Variants in PCDH15 observed in about 807,000 individuals in gnomAD.
PCDH15 encodes the protein protocadherin-15.
PCDH15 carries 129 observed loss-of-function variants against 178.5 expected under a neutral mutation model. The ratio of observed to expected loss-of-function variants is 0.72; its 90% CI spans 0.63 to 0.84. The LOEUF (loss-of-function observed/expected upper bound fraction) is 0.84. Among genes scored for constraint, PCDH15 ranks in the 40% least tolerant of loss-of-function variants. The pLI is 0.00. For synonymous variants in PCDH15, 800 were observed against 732.0 expected, an observed-to-expected ratio of 1.09 and a Z score of -1.50; for missense variants, 2,230 against 2,099.9, an observed-to-expected ratio of 1.06 and a Z score of -1.21.
chr10:53,926,395 GAT>G (rs1284387539), intron 25 of PCDH15, among the ~76,000 whole-genome samples: 2 of 152,104 alleles, frequency 1.3e-5, no homozygotes, highest in Non-Finnish European at 2.9e-5. Flanking sequence ...TCCATTTCCA[GAT>G]ATCTTAATTA....
At chr10:55,511,265 CT>C (rs35518353) in intron 2 of PCDH15, among the ~76,000 whole-genome samples, 51,777 of 151,492 alleles carry the variant, frequency 0.34, 9,130 homozygotes, top group East Asian at 0.51. Context: ...CTGATCTATC[CT>C]TTTTGGTAAC....
chr10:54,711,134 C>T (rs1452403899), intron 1 of PCDH15, among the ~76,000 whole-genome samples: 1 of 151,984 alleles, frequency 6.6e-6, no homozygotes, highest in African/African-American at 2.4e-5. Flanking sequence ...CTTGCTGTCA[C>T]AACTCAGGCT....
chr10:53,866,022 T>C (rs1417796481), intron 27 of PCDH15, among the ~76,000 whole-genome samples: 1 of 152,162 alleles, frequency 6.6e-6, no homozygotes, highest in Non-Finnish European at 1.5e-5. Flanking sequence ...CAAACTTCCC[T>C]TTCAAATGAT....
intron 2 of PCDH15, among the ~76,000 whole-genome samples, chr10:55,543,586 C>T (rs1185139576): frequency 6.6e-6 from 1 of 150,940 alleles, no homozygotes; most frequent in Non-Finnish European, 1.5e-5. Context: ...TTAGAGAGAT[C>T]AAATCACATA....
rs200779524 is a variant in PCDH15 at position 55,359,220 on chromosome 10, G to GT, written c.-155-192570dup. Among the ~76,000 whole-genome samples the GT allele has an allele frequency of 7.4e-3, 1,093 of 148,272 alleles. 14 individuals carry two copies. Among genetic ancestry groups the GT allele is most frequent in the African/African-American group, 0.025 (991 of 40,448 alleles). ...TCAAAAAAAAAAGTAAAATAAATTA[G>GT]TTTTTTTTTTAAATGGCACAAGTAT... On this transcript the variant is annotated intron_variant, in intron 2 of 5. Transcript: ENST00000613346.
At chr10:54,311,572 A>T (rs2060912422) in intron 8 of PCDH15, among the ~76,000 whole-genome samples, 1 of 152,020 alleles carries the variant, frequency 6.6e-6, no homozygotes. Context: ...GCAATAATTT[A>T]TTTCATCCTA....
intron 8 of PCDH15, among the ~76,000 whole-genome samples, chr10:54,286,393 T>C (rs1327299133): frequency 6.6e-6 from 1 of 152,148 alleles, no homozygotes; most frequent in Non-Finnish European, 1.5e-5. Flanking sequence ...TTTTGGCTCC[T>C]AGACACCTGA....
chr10:54,500,569 G>T (rs114851035), intron 3 of PCDH15, among the ~76,000 whole-genome samples: 1 of 151,958 alleles, frequency 6.6e-6, no homozygotes, highest in African/African-American at 2.4e-5. Flanking sequence ...GTGGTTCACA[G>T]GTGTAACCCC....
chr10:54,555,761 A>G (rs978072368), intron 2 of PCDH15, among the ~76,000 whole-genome samples: 10 of 142,994 alleles, frequency 7.0e-5, no homozygotes, highest in Non-Finnish European at 1.4e-4. Flanking sequence ...AAAAGAAAAG[A>G]AAAGAAAAAA....
chr10:55,118,036 T>A (rs7899461), intron 2 of PCDH15, among the ~76,000 whole-genome samples: 1 of 152,054 alleles, frequency 6.6e-6, no homozygotes, highest in Non-Finnish European at 1.5e-5. Context: ...GATGTCTAAG[T>A]GGCTTGCCCT....
chr10:55,405,252 T>C (rs1255130727), intron 2 of PCDH15, among the ~76,000 whole-genome samples: 1 of 137,582 alleles, frequency 7.3e-6, no homozygotes, highest in African/African-American at 2.7e-5. Context: ...TGCCAATTTA[T>C]GCATATGTGT....
chr10:55,213,504 C>T (rs11004776), intron 1 of PCDH15, among the ~76,000 whole-genome samples: 22,198 of 151,824 alleles, frequency 0.15, 1,804 homozygotes, highest in Non-Finnish European at 0.19. Flanking sequence ...TTCAGATTTT[C>T]TATGTTAACT....
chr10:54,041,239 T>C (rs1429569753), intron 18 of PCDH15, among the ~76,000 whole-genome samples: 1 of 152,092 alleles, frequency 6.6e-6, no homozygotes, highest in Non-Finnish European at 1.5e-5. Context: ...CAGTAAATGT[T>C]AACTAAATTT....
rs137965294 is a variant in PCDH15 at position 54,819,178 on chromosome 10, A to G, written c.-29+78272T>C. Among the ~76,000 whole-genome samples, 442 of 151,906 alleles carry G rather than the reference A, an allele frequency of 2.9e-3. 1 individual carries two copies. Among genetic ancestry groups the G allele is most frequent in the Admixed American group, 8.1e-3 (123 of 15,210 alleles). ...ATATTTGCTGAAGACTTGATTAGATATACCTCATTTTGGACATGCAGGTCC... is the reference window on the plus strand; with the variant it reads ...ATATTTGCTGAAGACTTGATTAGATGTACCTCATTTTGGACATGCAGGTCC... On this transcript the variant is annotated intron_variant, in intron 3 of 5. Coordinates refer to the PCDH15 transcript ENST00000458638.
chr10:55,147,860 T>A (rs1838574083), intron 2 of PCDH15, among the ~76,000 whole-genome samples: 1 of 151,692 alleles, frequency 6.6e-6, no homozygotes, highest in Non-Finnish European at 1.5e-5. Context: ...TCTATCTTTC[T>A]GTTTAAGCCC....
chr10:55,300,689 T>G (rs1843251796), intron 1 of PCDH15, among the ~76,000 whole-genome samples: 1 of 152,116 alleles, frequency 6.6e-6, no homozygotes, highest in Admixed American at 6.6e-5. Flanking sequence ...TAGAAAAACA[T>G]GTATAGGAAG....
chr10:54,996,156 C>A (rs1207746147), intron 2 of PCDH15, among the ~76,000 whole-genome samples: 3 of 152,102 alleles, frequency 2.0e-5, no homozygotes, highest in African/African-American at 7.2e-5. Context: ...GTTTCAGAAA[C>A]CCTCCTAAAC....
At chr10:53,835,872 A>G (rs1257956170) in intron 29 of PCDH15, among the ~76,000 whole-genome samples, 1 of 152,200 alleles carries the variant, frequency 6.6e-6, no homozygotes, top group Non-Finnish European at 1.5e-5. Context: ...AGATTTCTGT[A>G]AGATAGATTG....
At chr10:54,874,785 TAAAC>T (rs1373241404) in intron 3 of PCDH15, among the ~76,000 whole-genome samples, 5 of 152,184 alleles carry the variant, frequency 3.3e-5, no homozygotes, top group East Asian at 1.9e-4. Context: ...TTTTATTACT[TAAAC>T]AAATCATTTA....
Sources: gnomAD v4.1 joint callset for allele counts (sites outside exome capture counted in the v4.1 genomes callset) on GRCh38, gnomAD v4.1.1 for gene constraint, MANE v1.5 for transcripts, NCBI Gene and HGNC (gene_info 2026-07-23, HGNC 2026-07-21) for gene names.